NCAM2: variants seen among roughly 807,000 people sequenced by gnomAD.
NCAM2 encodes the protein neural cell adhesion molecule 2, also known as N-CAM-2.
NCAM2 carries 30 observed loss-of-function variants against 98.1 expected under a neutral mutation model. That is an observed-to-expected ratio of 0.31 (90% CI 0.23 to 0.41). The LOEUF (loss-of-function observed/expected upper bound fraction) is 0.41, where lower values mean the gene tolerates loss of function less well. Ranked by LOEUF, NCAM2 falls within the 10% of genes least tolerant of loss-of-function variation. The pLI is 1.00. For missense variants in NCAM2, 867 were observed against 1,005.8 expected (o/e 0.86, Z 1.87); for synonymous variants, 368 against 342.4 (o/e 1.07, Z -0.83).
intron 1 of NCAM2, among the ~76,000 whole-genome samples, chr21:21,022,588 A>G (rs1402553316): frequency 6.6e-6 from 1 of 152,150 alleles, no homozygotes. Context: ...CACACAGGCT[A>G]ATTCTTTGTG....
chr21:21,484,497 C>T (rs766525076), intron 15 of NCAM2, among the ~76,000 whole-genome samples: 37 of 152,018 alleles, frequency 2.4e-4, no homozygotes, highest in Admixed American at 3.9e-4. Flanking sequence ...GGAAGCCAGT[C>T]GTGGCAGCTG....
At chr21:21,405,994 A>G (rs2076730813) in intron 9 of NCAM2, among the ~76,000 whole-genome samples, 1 of 152,140 alleles carries the variant, frequency 6.6e-6, no homozygotes, top group Admixed American at 6.6e-5. Context: ...CTTATTACTG[A>G]TGCATCTGCT....
intron 1 of NCAM2, among the ~76,000 whole-genome samples, chr21:21,169,492 A>G (rs2068052883): frequency 6.6e-6 from 1 of 152,340 alleles, no homozygotes; most frequent in Middle Eastern, 3.4e-3. Context: ...TGTCAGGAGA[A>G]TGAGAAGTGA....
chr21:21,111,229 A>G (rs2066448186), intron 1 of NCAM2, among the ~76,000 whole-genome samples: 1 of 152,142 alleles, frequency 6.6e-6, no homozygotes, highest in African/African-American at 2.4e-5. Context: ...TATTGTAACA[A>G]GTTTTGATTA....
At chr21:21,391,459 T>G (rs1208716497) in intron 9 of NCAM2, among the ~76,000 whole-genome samples, 4 of 152,156 alleles carry the variant, frequency 2.6e-5, no homozygotes, top group Admixed American at 2.6e-4. Flanking sequence ...CATCACAGTA[T>G]TTTGAAGTAG....
intron 1 of NCAM2, among the ~76,000 whole-genome samples, chr21:21,203,691 A>G (rs950496182): frequency 1.3e-5 from 2 of 152,170 alleles, no homozygotes; most frequent in Admixed American, 1.3e-4. Context: ...GCTTTTCTGT[A>G]GAAGTTCTGT....
At chr21:21,484,663 G>T (rs1470815835) in intron 15 of NCAM2, among the ~76,000 whole-genome samples, 1 of 151,908 alleles carries the variant, frequency 6.6e-6, no homozygotes, top group African/African-American at 2.4e-5. Context: ...TATTTCCTAA[G>T]GTCCAATTAA....
intron 1 of NCAM2, among the ~76,000 whole-genome samples, chr21:21,077,386 G>A (rs763636554): frequency 1.3e-5 from 2 of 152,078 alleles, no homozygotes. Context: ...AAACCTTGAA[G>A]GATAATTGAA....
intron 1 of NCAM2, among the ~76,000 whole-genome samples, chr21:21,273,614 T>C (rs560299422): frequency 2.0e-5 from 3 of 152,214 alleles, no homozygotes; most frequent in South Asian, 4.1e-4. Flanking sequence ...CTAAACTTAT[T>C]AGTAGAATGG....
chr21:21,456,104 G>A (rs1411571702), intron 12 of NCAM2, among the ~76,000 whole-genome samples: 1 of 152,064 alleles, frequency 6.6e-6, no homozygotes, highest in Non-Finnish European at 1.5e-5. Context: ...GTGTGATTTG[G>A]TATGTTCCAT....
At chr21:21,324,539 T>TGTGGCTTGTGTTC (rs781564247) in intron 6 of NCAM2, 39 bp downstream of exon 6, 20 of 1,337,464 alleles carry the variant, frequency 1.5e-5, no homozygotes, top group Non-Finnish European at 1.9e-5. Flanking sequence ...TTGTGTCCAT[T>TGTGGCTTGTGTTC]ATCAGGCTTA....
intron 1 of NCAM2, among the ~76,000 whole-genome samples, chr21:21,246,641 A>G (rs2071281966): frequency 6.6e-6 from 1 of 152,176 alleles, no homozygotes; most frequent in African/African-American, 2.4e-5. Flanking sequence ...TCTCTATTTC[A>G]TCTTTATTGC....
chr21:21,306,518 G>A (rs771363340), intron 5 of NCAM2, among the ~76,000 whole-genome samples: 5 of 151,964 alleles, frequency 3.3e-5, no homozygotes, highest in Admixed American at 6.6e-5. Flanking sequence ...AGGATTACAT[G>A]GTGTATCTTT....
At position 21,101,112 on chromosome 21, in the gene NCAM2, C is replaced by G. The variant is rs376889298; in HGVS notation, c.55+102494C>G. 4.6e-5 allele frequency among the ~76,000 whole-genome samples: 7 copies of G among 151,898 alleles called. No homozygotes were observed. In the East Asian group the frequency reaches 9.7e-4, roughly 21 times the overall value. ...AGAATAATATTTAATTCATGGGAGG[C>G]TATTATATTTACTCCTTATGCAGTG... On this transcript the variant is annotated intron_variant, in intron 1 of 17. Transcript: ENST00000400546.
At chr21:21,512,567 T>C (rs1452191104) in intron 16 of NCAM2, among the ~76,000 whole-genome samples, 1 of 152,180 alleles carries the variant, frequency 6.6e-6, no homozygotes, top group East Asian at 1.9e-4. Flanking sequence ...TTTTGGCTCT[T>C]GTGGGTCTTT....
chr21:21,119,757 G>T (rs1324340619), intron 1 of NCAM2, among the ~76,000 whole-genome samples: 1 of 152,058 alleles, frequency 6.6e-6, no homozygotes, highest in African/African-American at 2.4e-5. Context: ...CTTATTAATA[G>T]TACTTCTAAA....
At chr21:21,100,964 T>G (rs1350130580) in intron 1 of NCAM2, among the ~76,000 whole-genome samples, 1 of 152,050 alleles carries the variant, frequency 6.6e-6, no homozygotes, top group Non-Finnish European at 1.5e-5. Flanking sequence ...CATTGACTTA[T>G]TGACTCTGCC....
intron 1 of NCAM2, among the ~76,000 whole-genome samples, chr21:21,273,037 A>C (rs1373041111): frequency 6.6e-6 from 1 of 151,656 alleles, no homozygotes; most frequent in Non-Finnish European, 1.5e-5. Flanking sequence ...AGAAAAGGGA[A>C]TAAAGGGATA....
At chr21:21,285,652 G>A (rs957457574) in intron 3 of NCAM2, among the ~76,000 whole-genome samples, 2 of 152,006 alleles carry the variant, frequency 1.3e-5, no homozygotes, top group Non-Finnish European at 2.9e-5. Context: ...TTCTCATCAA[G>A]CATAAATATC....
Sources: gnomAD v4.1 joint callset for allele counts (sites outside exome capture counted in the v4.1 genomes callset) on GRCh38, gnomAD v4.1.1 for gene constraint, MANE v1.5 for transcripts, NCBI Gene and HGNC (gene_info 2026-07-23, HGNC 2026-07-21) for gene names.